SS18: variants seen among roughly 807,000 people sequenced by gnomAD.
SS18 encodes SS18 subunit of BAF chromatin remodeling complex.
In SS18, 28 loss-of-function variants were observed where a neutral mutation model predicts 72.5. The ratio of observed to expected loss-of-function variants is 0.39; its 90% CI spans 0.29 to 0.53. SS18 has a LOEUF of 0.53. SS18 is among the 20% of genes least tolerant of loss of function. The pLI is 0.76. For synonymous variants in SS18, 172 were observed against 164.2 expected (o/e 1.05, Z -0.37); for missense variants, 518 against 535.3 (o/e 0.97, Z 0.32).
chr18:26,072,735 T>C (rs1456257821), intron 3 of SS18, among the ~76,000 whole-genome samples: 8 of 132,974 alleles, frequency 6.0e-5, no homozygotes, highest in Non-Finnish European at 1.2e-4. Flanking sequence ...AGGAGGAGCT[T>C]GCAGTGAGCC....
At chr18:26,018,480 A>C in intron 10 of SS18, 100 bp from the exon 11 acceptor site, 1 of 957,542 alleles carries the variant, frequency 1.0e-6, no homozygotes, top group Non-Finnish European at 1.5e-6. Context: ...TACCACAAAA[A>C]AGCAGCCGTA....
intron 7 of SS18, among the ~76,000 whole-genome samples, chr18:26,037,024 A>T (rs1239971315): frequency 6.6e-6 from 1 of 152,166 alleles, no homozygotes; most frequent in African/African-American, 2.4e-5. Flanking sequence ...GCCAATTCCT[A>T]ATCTATATAT....
intron 3 of SS18, among the ~76,000 whole-genome samples, chr18:26,069,828 T>A (rs962255265): frequency 6.6e-5 from 10 of 152,222 alleles, no homozygotes; most frequent in African/African-American, 2.4e-4. Context: ...AATTCTTTTC[T>A]AAACAAATGG....
At chr18:26,070,695 T>C (rs566615045) in intron 3 of SS18, among the ~76,000 whole-genome samples, 3 of 152,174 alleles carry the variant, frequency 2.0e-5, no homozygotes, top group Non-Finnish European at 4.4e-5. Flanking sequence ...AATAGAACTA[T>C]AAATAAATAA....
chr18:26,082,459 G>C, intron 2 of SS18: 1 of 982,418 alleles, frequency 1.0e-6, no homozygotes, highest in Non-Finnish European at 1.2e-6. Context: ...TTTAAATTAC[G>C]ATGAATGATC....
At chr18:26,053,503 G>T (rs184860634) in intron 4 of SS18, among the ~76,000 whole-genome samples, 8 of 151,722 alleles carry the variant, frequency 5.3e-5, no homozygotes. Context: ...TTAAAAATTT[G>T]CACGACATAA....
At chr18:26,072,796 CAAAAA>C (rs71169810) in intron 3 of SS18, among the ~76,000 whole-genome samples, 1 of 32,744 alleles carries the variant, frequency 3.1e-5, no homozygotes. Flanking sequence ...GACTCCGTCT[CAAAAA>C]AAAAAAAAAA....
intron 2 of SS18, chr18:26,080,341 G>A (rs188958553): frequency 3.0e-6 from 3 of 985,354 alleles, no homozygotes; most frequent in East Asian, 2.3e-4. Flanking sequence ...TCCTTTGCTT[G>A]AGTATTAGTA....
chr18:26,090,933 G>A (rs1268286187), upstream of SS18: 13 of 336,900 alleles, frequency 3.9e-5, no homozygotes, highest in Non-Finnish European at 1.6e-5. Context: ...AGGAGAGGCT[G>A]GGGCAGCCCC....
In SS18 at chr18:26,043,204, T is replaced by C. The variant is rs200771584; in HGVS notation, c.608-3748A>G. On this transcript the variant is annotated intron_variant, in intron 5 of 10. Coordinates refer to ENST00000415083, the MANE Select transcript of SS18 (RefSeq NM_001007559.3). ...TGCTACGAAAGGCTCTAAAGTAGCA[T>C]AGCTACTAAATGGTCCAAAGCCCGT... Among the ~76,000 whole-genome samples the C allele has an allele frequency of 4.7e-4, 72 of 152,308 alleles. 1 individual carries two copies. In the East Asian group the frequency reaches 0.012, roughly 26 times the overall value.
intron 3 of SS18, among the ~76,000 whole-genome samples, chr18:26,074,337 TCTG>T (rs1245385289): frequency 1.3e-5 from 2 of 151,508 alleles, no homozygotes; most frequent in African/African-American, 4.8e-5. Flanking sequence ...CTTACTGAGT[TCTG>T]CTGTAATATC....
At chr18:26,089,614 T>A (rs953586761) in intron 1 of SS18, 1 of 152,228 alleles carries the variant, frequency 6.6e-6, no homozygotes, top group Non-Finnish European at 1.5e-5. Flanking sequence ...CAGTAAAATT[T>A]AGAATGCTGC....
At chr18:26,037,860 T>C (rs1431739706) in intron 7 of SS18, among the ~76,000 whole-genome samples, 2 of 152,120 alleles carry the variant, frequency 1.3e-5, no homozygotes, top group Non-Finnish European at 2.9e-5. Context: ...AAAACCTACT[T>C]GTATGCTTGG....
chr18:26,038,102 T>G (rs540184669), intron 7 of SS18, among the ~76,000 whole-genome samples: 1 of 152,250 alleles, frequency 6.6e-6, no homozygotes, highest in South Asian at 2.1e-4. Flanking sequence ...TTGAGAAGTA[T>G]GAAACATTAA....
At chr18:26,074,756 A>C (rs2054379793) in intron 3 of SS18, among the ~76,000 whole-genome samples, 1 of 151,946 alleles carries the variant, frequency 6.6e-6, no homozygotes, top group South Asian at 2.1e-4. Context: ...GGGTTCTGAG[A>C]CCAAAAGGTT....
intron 4 of SS18, among the ~76,000 whole-genome samples, chr18:26,054,042 A>C (rs1305130323): frequency 1.3e-5 from 2 of 152,238 alleles, no homozygotes; most frequent in Non-Finnish European, 2.9e-5. Context: ...AAAATGACAC[A>C]GTATTTCCAC....
intron 9 of SS18, among the ~76,000 whole-genome samples, chr18:26,034,793 C>T (rs1274219745): frequency 6.6e-6 from 1 of 152,150 alleles, no homozygotes; most frequent in Non-Finnish European, 1.5e-5. Flanking sequence ...TACCTTTGGT[C>T]ATGAACCATC....
Position 26,066,260 on chromosome 18 carries a change from G to A in SS18, c.232-8518C>T, listed in dbSNP as rs888648867. Among the ~76,000 whole-genome samples, 48 of 152,050 alleles carry A rather than the reference G, an allele frequency of 3.2e-4. 1 individual carries two copies. Among genetic ancestry groups the A allele is most frequent in the African/African-American group, 9.9e-4 (41 of 41,490 alleles). ...CATCTAGTAGCAAATAGAGGTACTC[G>A]ATAAATATTTGTTGAATGAAAAATG... is the stretch of plus-strand genomic sequence containing the variant. On this transcript the variant is annotated intron_variant, in intron 3 of 10. Coordinates refer to ENST00000415083, the MANE Select transcript of SS18 (RefSeq NM_001007559.3).
intron 1 of SS18, chr18:26,089,639 AC>A (rs2054678970): frequency 2.0e-5 from 3 of 152,250 alleles, no homozygotes; most frequent in Admixed American, 2.0e-4. Flanking sequence ...CTTGCAGGCA[AC>A]AAGGGGTAGA....
Sources: gnomAD v4.1 joint callset for allele counts (sites outside exome capture counted in the v4.1 genomes callset) on GRCh38, gnomAD v4.1.1 for gene constraint, MANE v1.5 for transcripts, NCBI Gene and HGNC (gene_info 2026-07-23, HGNC 2026-07-21) for gene names.